DIP2C: variants seen among roughly 807,000 people sequenced by gnomAD.
DIP2C encodes the protein DIP2 acetate--CoA ligase C (putative), also known as disco-interacting protein 2 homolog C.
A neutral mutation model predicts 192.4 loss-of-function variants in DIP2C; 33 were observed. The observed-to-expected ratio is 0.17, with a 90% CI of 0.13 to 0.23. The LOEUF (loss-of-function observed/expected upper bound fraction) is 0.23, where lower values mean the gene tolerates loss of function less well. DIP2C is among the 10% of genes least tolerant of loss of function. DIP2C has a pLI of 1.00. For missense variants in DIP2C, 1,537 were observed against 2,110.1 expected (o/e 0.73, Z 5.32); for synonymous variants, 979 against 864.1 (o/e 1.13, Z -2.33).
intron 1 of DIP2C, among the ~76,000 whole-genome samples, chr10:644,722 A>T (rs1025186376): frequency 6.6e-6 from 1 of 152,234 alleles, no homozygotes; most frequent in Admixed American, 6.5e-5. Context: ...GCTCTGCCCA[A>T]TGCCCCCACT....
At chr10:281,807 A>G (rs932449089) in intron 35 of DIP2C, among the ~76,000 whole-genome samples, 2 of 152,226 alleles carry the variant, frequency 1.3e-5, no homozygotes, top group Admixed American at 1.3e-4. Flanking sequence ...TGGGAAAAGA[A>G]AGCATAGCTC....
At chr10:331,504 T>C (rs569123604) in intron 29 of DIP2C, among the ~76,000 whole-genome samples, 1 of 152,376 alleles carries the variant, frequency 6.6e-6, no homozygotes, top group East Asian at 1.9e-4. Context: ...TCTGCATCTA[T>C]ACCTAACTTG....
intron 1 of DIP2C, among the ~76,000 whole-genome samples, chr10:520,750 C>T (rs1269208164): frequency 6.6e-6 from 1 of 152,218 alleles, no homozygotes; most frequent in Non-Finnish European, 1.5e-5. Context: ...AAGTTGGAAA[C>T]CAAAAAATTC....
intron 3 of DIP2C, among the ~76,000 whole-genome samples, chr10:449,304 C>T (rs1564726974): frequency 6.6e-6 from 1 of 152,152 alleles, no homozygotes; most frequent in Non-Finnish European, 1.5e-5. Context: ...TCCACCTCCC[C>T]ATACAAAGGC....
At chr10:510,479 G>C (rs897685015) in intron 1 of DIP2C, among the ~76,000 whole-genome samples, 1 of 152,210 alleles carries the variant, frequency 6.6e-6, no homozygotes. Context: ...GCTCTTTCCC[G>C]CCTGGGGTTC....
intron 4 of DIP2C, among the ~76,000 whole-genome samples, chr10:428,188 CTA>C (rs1404182637): frequency 6.6e-6 from 1 of 152,154 alleles, no homozygotes; most frequent in African/African-American, 2.4e-5. Flanking sequence ...TCATAAAAAA[CTA>C]AAAACCATAA....
In DIP2C at chr10:348,030, T is replaced by C. The variant is rs573889682; in HGVS notation, c.3231+611A>G. On this transcript the variant is annotated intron_variant, in intron 26 of 36. Transcript: ENST00000280886. ...CCGGAAACCCCAGACGCGTCGCGCATAGCTCTCCTGGAAACCCCACACGCA... is the reference window on the plus strand; with the variant it reads ...CCGGAAACCCCAGACGCGTCGCGCACAGCTCTCCTGGAAACCCCACACGCA... 1.7e-4 allele frequency among the ~76,000 whole-genome samples: 24 copies of C among 139,946 alleles called. No individual in the cohort carries two copies. In the South Asian group the frequency reaches 5.5e-3, roughly 32 times the overall value. The allele number at this position is 139,946 out of a possible 152,430, so 91.8% of individuals were successfully genotyped here.
intron 28 of DIP2C, among the ~76,000 whole-genome samples, chr10:341,624 G>A (rs1162918728): frequency 1.3e-5 from 2 of 152,252 alleles, no homozygotes; most frequent in East Asian, 1.9e-4. Flanking sequence ...TGAATGCATG[G>A]GACTTCATAC....
intron 35 of DIP2C, 94 bp downstream of exon 35, chr10:283,178 G>T: frequency 6.7e-7 from 1 of 1,492,184 alleles, no homozygotes; most frequent in East Asian, 2.3e-5. Context: ...TCCTGGCTTT[G>T]GCTGCTGTAA....
intron 1 of DIP2C, among the ~76,000 whole-genome samples, chr10:521,779 C>T (rs1846720594): frequency 2.0e-5 from 3 of 152,302 alleles, no homozygotes; most frequent in Middle Eastern, 3.4e-3. Flanking sequence ...TTTCAATAGA[C>T]TTTTTAAAAA....
chr10:367,321 G>A (rs949156341), intron 18 of DIP2C, among the ~76,000 whole-genome samples: 1 of 151,814 alleles, frequency 6.6e-6, no homozygotes, highest in African/African-American at 2.4e-5. Flanking sequence ...GGAGGCGGAG[G>A]CAGGAGAATG....
intron 1 of DIP2C, among the ~76,000 whole-genome samples, chr10:613,395 A>G (rs1051293694): frequency 6.6e-6 from 1 of 152,182 alleles, no homozygotes; most frequent in African/African-American, 2.4e-5. Flanking sequence ...GAATGTCTGG[A>G]ACGTGCCTGC....
intron 29 of DIP2C, among the ~76,000 whole-genome samples, chr10:340,310 G>A (rs905697909): frequency 1.3e-5 from 2 of 151,782 alleles, no homozygotes; most frequent in Non-Finnish European, 2.9e-5. Flanking sequence ...AGATTTATGA[G>A]TGAAATTATT....
intron 1 of DIP2C, among the ~76,000 whole-genome samples, chr10:496,866 C>T (rs963653105): frequency 1.3e-5 from 2 of 152,166 alleles, no homozygotes; most frequent in Non-Finnish European, 2.9e-5. Flanking sequence ...GGCTCACACC[C>T]GTAATCCCAG....
chr10:473,069 A>C (rs1970761928), intron 2 of DIP2C, among the ~76,000 whole-genome samples: 1 of 152,248 alleles, frequency 6.6e-6, no homozygotes, highest in African/African-American at 2.4e-5. Flanking sequence ...TACTCTCTGG[A>C]AACTTACTCC....
intron 1 of DIP2C, among the ~76,000 whole-genome samples, chr10:609,138 T>G (rs540923755): frequency 6.6e-6 from 1 of 152,242 alleles, no homozygotes; most frequent in Non-Finnish European, 1.5e-5. Flanking sequence ...ATGAAATTGC[T>G]AAAACCACCA....
chr10:532,153 C>A (rs1168163396), intron 1 of DIP2C, among the ~76,000 whole-genome samples: 5 of 152,172 alleles, frequency 3.3e-5, no homozygotes, highest in Non-Finnish European at 7.3e-5. Flanking sequence ...CCGGCAGAAG[C>A]TTCTAGAGTA....
At chr10:357,973 A>G (rs760866020) in intron 22 of DIP2C, 36 bp from the exon 23 acceptor site, 11 of 1,546,038 alleles carry the variant, frequency 7.1e-6, no homozygotes, top group South Asian at 6.7e-5. Flanking sequence ...TGAGGAAACA[A>G]AAGAGAAATT....
intron 1 of DIP2C, among the ~76,000 whole-genome samples, chr10:567,407 G>A (rs1325135743): frequency 6.6e-6 from 1 of 152,072 alleles, no homozygotes; most frequent in Non-Finnish European, 1.5e-5. Context: ...GGTCAGGCTG[G>A]TCTCGAACTC....
Sources: allele counts gnomAD v4.1 joint callset (sites outside exome capture counted in the v4.1 genomes callset), GRCh38; gene constraint gnomAD v4.1.1; transcripts MANE v1.5; gene names NCBI Gene and HGNC (gene_info 2026-07-23, HGNC 2026-07-21).